XRCC5: variants seen among roughly 807,000 people sequenced by gnomAD.
The protein encoded by XRCC5 is DNA repair protein Ku80.
XRCC5 carries 12 observed loss-of-function variants against 95.7 expected under a neutral mutation model. The ratio of observed to expected loss-of-function variants is 0.13; its 90% CI spans 0.08 to 0.20. The LOEUF is 0.20. Among genes scored for constraint, XRCC5 ranks in the 10% least tolerant of loss-of-function variants. The pLI, the probability that XRCC5 is intolerant of heterozygous loss-of-function variation, is 1.00. For synonymous variants in XRCC5, 281 were observed against 290.3 expected (o/e 0.97, Z 0.33); for missense variants, 595 against 873.9 (o/e 0.68, Z 4.02).
intron 10 of XRCC5, among the ~76,000 whole-genome samples, chr2:216,133,414 G>A (rs1388423172): frequency 1.3e-5 from 2 of 152,178 alleles, no homozygotes; most frequent in African/African-American, 4.8e-5. Context: ...GGGCTCAAGC[G>A]ATTCTCCTAC....
At chr2:216,173,853 C>T (rs559976682) in intron 16 of XRCC5, among the ~76,000 whole-genome samples, 14 of 152,320 alleles carry the variant, frequency 9.2e-5, no homozygotes, top group African/African-American at 2.9e-4. Flanking sequence ...CGGTGTCATG[C>T]TCTTAGACTT....
At chr2:216,111,406 C>T (rs1696589017) in intron 1 of XRCC5, 1 of 449,730 alleles carries the variant, frequency 2.2e-6, no homozygotes, top group African/African-American at 2.0e-5. Flanking sequence ...CAACTGTGGT[C>T]CCAGCTATTT....
chr2:216,192,600 C>G, intron 17 of XRCC5, 39 bp from the exon 18 acceptor site: 1 of 1,477,974 alleles, frequency 6.8e-7, no homozygotes, highest in Non-Finnish European at 9.2e-7. Flanking sequence ...TGTGTTTGCT[C>G]TGACTTGCTG....
intron 14 of XRCC5, among the ~76,000 whole-genome samples, chr2:216,155,236 C>CAAAAAAAAAA (rs10674711): frequency 1.2e-5 from 1 of 80,462 alleles, no homozygotes; most frequent in African/African-American, 5.1e-5. Context: ...ACTCCCATCT[C>CAAAAAAAAAA]AAAAAAAAAA....
At chr2:216,203,178 T>G (rs41296813) in intron 19 of XRCC5, among the ~76,000 whole-genome samples, 31,193 of 152,008 alleles carry the variant, frequency 0.21, 4,601 homozygotes, top group African/African-American at 0.42. Flanking sequence ...TGGAAGGCTC[T>G]CTCACCGCGT....
At chr2:216,125,819 C>A (rs1461617538) in intron 6 of XRCC5, 98 bp from the exon 7 acceptor site, 12 of 943,170 alleles carry the variant, frequency 1.3e-5, no homozygotes, top group Non-Finnish European at 1.8e-5. Context: ...TTATAATTAA[C>A]ATTAGCTCAC....
At chr2:216,119,675 T>C (rs887683591) in intron 5 of XRCC5, among the ~76,000 whole-genome samples, 3 of 152,308 alleles carry the variant, frequency 2.0e-5, no homozygotes, top group African/African-American at 7.2e-5. Flanking sequence ...TGTGGACACA[T>C]ATATAAAATT....
chr2:216,126,112 G>A (rs966604265), intron 7 of XRCC5, 81 bp downstream of exon 7: 50 of 1,126,804 alleles, frequency 4.4e-5, no homozygotes, highest in Non-Finnish European at 5.7e-5. Context: ...CAATTCATGT[G>A]TGTGTTACTC....
At chr2:216,169,317 C>T (rs1469112190) in intron 16 of XRCC5, among the ~76,000 whole-genome samples, 2 of 152,172 alleles carry the variant, frequency 1.3e-5, no homozygotes, top group African/African-American at 4.8e-5. Context: ...ACAGTTAGAC[C>T]CTGTACATCA....
intron 7 of XRCC5, among the ~76,000 whole-genome samples, chr2:216,126,307 CT>C (rs1696899471): frequency 6.6e-6 from 1 of 151,790 alleles, no homozygotes; most frequent in Non-Finnish European, 1.5e-5. Flanking sequence ...AGGCCTGTCT[CT>C]TTTTTTTAAA....
At chr2:216,182,076 C>G (rs1317827106) in intron 16 of XRCC5, among the ~76,000 whole-genome samples, 1 of 152,154 alleles carries the variant, frequency 6.6e-6, no homozygotes, top group African/African-American at 2.4e-5. Context: ...AAAAAAGACT[C>G]AAATTCTTGA....
At chr2:216,204,930 C>T (rs1022953493) in intron 20 of XRCC5, among the ~76,000 whole-genome samples, 1 of 152,176 alleles carries the variant, frequency 6.6e-6, no homozygotes, top group Non-Finnish European at 1.5e-5. Flanking sequence ...TTGGAAACTT[C>T]CCGCCTTTAA....
intron 10 of XRCC5, among the ~76,000 whole-genome samples, chr2:216,133,064 G>C (rs922147502): frequency 2.0e-5 from 3 of 152,194 alleles, no homozygotes; most frequent in African/African-American, 7.2e-5. Context: ...GGGTAGGGTG[G>C]TGGTATAACT....
At position 216,109,808 on chromosome 2, in the gene XRCC5, C is replaced by T. The variant is rs530914077; in HGVS notation, c.21+351C>T. The stretch of plus-strand genomic sequence containing the variant: ...CTCCCTAGCCCCACTTCCTCTATTA[C>T]TTCCGAGCCTGGGTTCTTAAGATCT... On this transcript the variant is annotated intron_variant, in intron 1 of 20. Coordinates refer to ENST00000392132, the MANE Select transcript of XRCC5 (RefSeq NM_021141.4). 3.0e-3 allele frequency among the ~76,000 whole-genome samples: 457 copies of T among 150,770 alleles called. 1 individual carries two copies. The highest frequency in any genetic ancestry group is 0.01 in the African/African-American group (429 of 41,268).
chr2:216,143,834 G>A (rs1697209443), intron 13 of XRCC5, among the ~76,000 whole-genome samples: 1 of 151,412 alleles, frequency 6.6e-6, no homozygotes, highest in Admixed American at 6.6e-5. Context: ...AGCCTCCCGA[G>A]TAGCTGGGAC....
intron 16 of XRCC5, among the ~76,000 whole-genome samples, chr2:216,165,054 C>T (rs933831311): frequency 6.6e-5 from 10 of 152,196 alleles, no homozygotes; most frequent in African/African-American, 2.4e-4. Flanking sequence ...ATTATTATCT[C>T]CATTTTACTG....
At chr2:216,121,058 A>G (rs1696798697) in intron 5 of XRCC5, among the ~76,000 whole-genome samples, 1 of 152,182 alleles carries the variant, frequency 6.6e-6, no homozygotes, top group South Asian at 2.1e-4. Flanking sequence ...TCTTCTACTG[A>G]CTACTGAGGA....
intron 16 of XRCC5, among the ~76,000 whole-genome samples, chr2:216,178,865 C>A (rs41302480): frequency 0.011 from 1,729 of 152,296 alleles, 36 homozygotes; most frequent in African/African-American, 0.04. Flanking sequence ...AAGACATGTT[C>A]ATTCCTTAGG....
At chr2:216,146,174 A>G (rs1688628331) in intron 13 of XRCC5, among the ~76,000 whole-genome samples, 1 of 152,218 alleles carries the variant, frequency 6.6e-6, no homozygotes, top group South Asian at 2.1e-4. Context: ...AGACAAACAA[A>G]TGAATATACT....
Sources: gnomAD v4.1 joint callset for allele counts (sites outside exome capture counted in the v4.1 genomes callset) on GRCh38, gnomAD v4.1.1 for gene constraint, MANE v1.5 for transcripts, NCBI Gene and HGNC (gene_info 2026-07-23, HGNC 2026-07-21) for gene names.